NEK1: variants seen among roughly 807,000 people sequenced by gnomAD.
NEK1 encodes NIMA related kinase 1.
In NEK1, 137 loss-of-function variants were observed where a neutral mutation model predicts 182.1. The observed-to-expected ratio is 0.75, with a 90% CI of 0.65 to 0.87. The LOEUF (loss-of-function observed/expected upper bound fraction) is 0.87, where lower values mean the gene tolerates loss of function less well. Among genes scored for constraint, NEK1 ranks in the 40% least tolerant of loss-of-function variants. NEK1 has a pLI of 0.00. For synonymous variants in NEK1, 513 were observed against 492.2 expected, an observed-to-expected ratio of 1.04 and a Z score of -0.56; for missense variants, 1,391 against 1,494.4, an observed-to-expected ratio of 0.93 and a Z score of 1.14.
chr4:169,471,882 C>T (rs556725489), intron 26 of NEK1, among the ~76,000 whole-genome samples: 4 of 152,208 alleles, frequency 2.6e-5, no homozygotes, highest in African/African-American at 9.6e-5. Context: ...CTTTGCCATG[C>T]TGTGTTGGGT....
rs779764524 is a variant in NEK1 at position 169,590,317 on chromosome 4, T to TAGACAGACAGAC, written c.396+408_396+409insGTCTGTCTGTCT. Among the ~76,000 whole-genome samples the TAGACAGACAGAC allele has an allele frequency of 7.3e-3, 1,023 of 139,864 alleles. 5 individuals are homozygous for TAGACAGACAGAC. The highest frequency in any genetic ancestry group is 8.6e-3 in the Non-Finnish European group (562 of 65,660). 91.8% of individuals were successfully genotyped at this position (139,864 alleles called of 152,430 possible). A position where few individuals can be genotyped will look rare whatever the true frequency, so the allele number is the denominator to read the frequency against. On this transcript the variant is annotated intron_variant, in intron 6 of 35. Transcript: ENST00000507142. ...GAGCGAGACTCCGTCTCAAAAACAA[T>TAGACAGACAGAC]AGATAGACAGACAGACAGACAGACA...
chr4:169,431,101 C>T lies in NEK1; in HGVS notation c.2885+2444G>A, dbSNP rs541526288. On this transcript the variant is annotated intron_variant, in intron 29 of 35. Transcript: ENST00000507142. ...AATACAAAAATTTCAGATTGAATCA[C>T]GAACGATATCAGAAACATAATAAAA... Among the ~76,000 whole-genome samples the T allele has an allele frequency of 9.9e-5, 15 of 151,888 alleles. No individual in the cohort carries two copies. In the South Asian group the frequency reaches 1.2e-3, roughly 13 times the overall value.
intron 12 of NEK1, among the ~76,000 whole-genome samples, chr4:169,570,435 C>T (rs1260274445): frequency 2.0e-5 from 3 of 151,252 alleles, no homozygotes; most frequent in African/African-American, 4.9e-5. Flanking sequence ...CCAGGCCAGC[C>T]GCCCAGTCTG....
Position 169,424,745 on chromosome 4 carries a change from T to C in NEK1, c.3030A>G (p.Gln1010=), listed in dbSNP as rs1161893982. ...CCACCTTATGGAAAAATGGTTCCGG[T>C]TGCACAGACTTATCTACATCACATT... is the stretch of plus-strand genomic sequence containing the variant. ...HSKCDVDKSV[Q]PEPFFHKVVH... The change falls in exon 31 of 36, where the codon CAA becomes CAG. Residue 1010 remains glutamine, a synonymous_variant. Transcript: ENST00000507142. 1 of 1,613,856 alleles carries C rather than the reference T, an allele frequency of 6.2e-7. No homozygotes were observed. The highest frequency in any genetic ancestry group is 2.2e-5 in the East Asian group (1 of 44,860).
chr4:169,607,653 T>TG (rs1191908833), intron 2 of NEK1, among the ~76,000 whole-genome samples: 4 of 151,734 alleles, frequency 2.6e-5, no homozygotes, highest in Non-Finnish European at 5.9e-5. Context: ...TTAGTAGAGA[T>TG]GGGGTTTCAC....
intron 10 of NEK1, among the ~76,000 whole-genome samples, chr4:169,581,729 G>A (rs1766690682): frequency 1.3e-5 from 2 of 152,014 alleles, no homozygotes; most frequent in African/African-American, 4.8e-5. Flanking sequence ...TCTATATTCT[G>A]TGTGCATCCA....
At chr4:169,414,612 T>C (rs1246156486) in intron 31 of NEK1, among the ~76,000 whole-genome samples, 1 of 152,210 alleles carries the variant, frequency 6.6e-6, no homozygotes, top group Non-Finnish European at 1.5e-5. Context: ...AACTGTGATC[T>C]GTGGCAGTAT....
intron 2 of NEK1, among the ~76,000 whole-genome samples, chr4:169,611,313 T>C (rs931467562): frequency 6.6e-6 from 1 of 152,182 alleles, no homozygotes; most frequent in African/African-American, 2.4e-5. Context: ...ACATTTCACC[T>C]AGAACAATGG....
chr4:169,437,359 T>C (rs183169852), intron 28 of NEK1, among the ~76,000 whole-genome samples: 6 of 152,290 alleles, frequency 3.9e-5, no homozygotes, highest in African/African-American at 1.4e-4. Context: ...GATGAGGCTT[T>C]CAGAAGGTGT....
chr4:169,583,110 A>T (rs1411539726), intron 10 of NEK1, among the ~76,000 whole-genome samples: 1 of 152,096 alleles, frequency 6.6e-6, no homozygotes. Flanking sequence ...ACTAAAGCTC[A>T]TGAATTGTTT....
chr4:169,400,219 T>C lies in NEK1; in HGVS notation c.3847+6A>G, dbSNP rs777525553. On this transcript the variant is annotated splice_donor_region_variant and intron_variant, in intron 35 of 35. Coordinates refer to ENST00000507142, the MANE Select transcript of NEK1 (RefSeq NM_001199397.3). Reference sequence around the variant, plus strand: ...AAAATTATACAGACATGTGAGGAAATCTTACCTTCTTGGTAGGCTCCATCT... The same window carrying C: ...AAAATTATACAGACATGTGAGGAAACCTTACCTTCTTGGTAGGCTCCATCT... The C allele has an allele frequency of 1.3e-6, 2 of 1,575,512 alleles. No homozygotes were observed. The highest frequency in any genetic ancestry group is 4.6e-5 in the East Asian group (2 of 43,842).
intron 2 of NEK1, among the ~76,000 whole-genome samples, 157 bp from the exon 3 acceptor site, chr4:169,602,835 T>C (rs1423412708): frequency 3.9e-5 from 6 of 152,154 alleles, no homozygotes; most frequent in African/African-American, 1.2e-4. Flanking sequence ...TTATATACTT[T>C]ACTAGTACAA....
At chr4:169,578,004 T>C (rs1765992496) in intron 11 of NEK1, among the ~76,000 whole-genome samples, 1 of 152,206 alleles carries the variant, frequency 6.6e-6, no homozygotes, top group South Asian at 2.1e-4. Context: ...GGCAGAAATA[T>C]AAATTGGTTA....
chr4:169,395,921 A>G (rs1324800428), intron 35 of NEK1, among the ~76,000 whole-genome samples: 1 of 152,226 alleles, frequency 6.6e-6, no homozygotes, highest in Non-Finnish European at 1.5e-5. Flanking sequence ...TATTCTACTT[A>G]TTCAACTCAT....
chr4:169,464,747 T>C (rs559721269), intron 26 of NEK1, among the ~76,000 whole-genome samples: 4 of 151,766 alleles, frequency 2.6e-5, no homozygotes, highest in East Asian at 1.9e-4. Flanking sequence ...ACAGAAAAAA[T>C]AGAAAACAAA....
intron 26 of NEK1, among the ~76,000 whole-genome samples, chr4:169,473,648 G>T (rs1432724402): frequency 6.6e-6 from 1 of 152,138 alleles, no homozygotes; most frequent in Non-Finnish European, 1.5e-5. Flanking sequence ...ACTTTGGGGA[G>T]CCAAAGTGGG....
intron 19 of NEK1, among the ~76,000 whole-genome samples, chr4:169,509,267 T>G (rs773319637): frequency 2.0e-5 from 3 of 152,152 alleles, no homozygotes; most frequent in Non-Finnish European, 2.9e-5. Flanking sequence ...AGATCACTTT[T>G]TCTGAATTCA....
In NEK1 at chr4:169,587,506, T is replaced by G; in HGVS notation, c.606+53A>C. On this transcript the variant is annotated intron_variant, in intron 9 of 35. Coordinates refer to ENST00000507142, the MANE Select transcript of NEK1 (RefSeq NM_001199397.3). ...TATAACTTAAAATATAATAAAAACA[T>G]TATAGTCGCTTTTTAACATAACTTT... 9 of 980,800 alleles carry G rather than the reference T, an allele frequency of 9.2e-6. No homozygotes were observed. The South Asian group carries it at 1.5e-4, about 17-fold the overall frequency. The allele number at this position is 980,800 out of a possible 1,614,324, so 60.8% of individuals were successfully genotyped here.
chr4:169,491,498 T>C (rs528015795), intron 23 of NEK1, among the ~76,000 whole-genome samples: 2 of 152,166 alleles, frequency 1.3e-5, no homozygotes, highest in East Asian at 3.9e-4. Flanking sequence ...CAGCCAACAA[T>C]ACTATACTTA....
Sources: gnomAD v4.1 joint callset for allele counts (sites outside exome capture counted in the v4.1 genomes callset) on GRCh38, gnomAD v4.1.1 for gene constraint, MANE v1.5 for transcripts, NCBI Gene and HGNC (gene_info 2026-07-23, HGNC 2026-07-21) for gene names.